Variants in SRGAP2 observed in about 807,000 individuals in gnomAD.
The protein encoded by SRGAP2 is SLIT-ROBO Rho GTPase-activating protein 2.
Under a neutral mutation model 57.2 loss-of-function variants are expected in SRGAP2, and 15 were observed. The observed-to-expected ratio is 0.26, with a 90% CI of 0.18 to 0.40. The LOEUF is 0.40. Among genes scored for constraint, SRGAP2 ranks in the 10% least tolerant of loss-of-function variants. The pLI is 1.00. For synonymous variants in SRGAP2, 249 were observed against 248.0 expected, an observed-to-expected ratio of 1.00 and a Z score of -0.04; for missense variants, 520 against 669.6, an observed-to-expected ratio of 0.78 and a Z score of 2.47.
chr1:206,456,421 T>G (rs1217411889), intron 21 of SRGAP2, among the ~76,000 whole-genome samples: 5 of 152,222 alleles, frequency 3.3e-5, no homozygotes, highest in Non-Finnish European at 2.9e-5. Context: ...TTTTTCCTTA[T>G]TTACAATTCT....
At chr1:206,267,345 G>T (rs1669925029) in intron 2 of SRGAP2, among the ~76,000 whole-genome samples, 1 of 151,718 alleles carries the variant, frequency 6.6e-6, no homozygotes, top group Non-Finnish European at 1.5e-5. Flanking sequence ...AATATCTTTG[G>T]CTTTGGGTTG....
chr1:206,285,566 C>T (rs1670974559), intron 2 of SRGAP2, among the ~76,000 whole-genome samples: 1 of 152,130 alleles, frequency 6.6e-6, no homozygotes, highest in Admixed American at 6.6e-5. Context: ...ATCTTCTTCT[C>T]ACTGGCCTCT....
intron 6 of SRGAP2, 92 bp downstream of exon 6, chr1:206,392,996 G>C (rs1553351476): frequency 2.8e-6 from 2 of 715,940 alleles, no homozygotes; most frequent in African/African-American, 1.8e-5. Flanking sequence ...GGGAAGAGCA[G>C]ACGAGGAAGC....
Position 206,203,586 on chromosome 1 carries a change from G to A in SRGAP2, c.-607G>A. ...GCGTAGAAACGGGTGGCGGGGAAGA[G>A]AGGGGAGGAGAGCTCTGAGTGGGAA... On this transcript the variant is annotated 5_prime_UTR_variant, in exon 1 of 23. Coordinates refer to ENST00000573034, the MANE Select transcript of SRGAP2 (RefSeq NM_015326.5). 1 of 580,478 alleles carries A rather than the reference G, an allele frequency of 1.7e-6. No individual in the cohort carries two copies. Among genetic ancestry groups the A allele is most frequent in the Non-Finnish European group, 3.1e-6 (1 of 322,894 alleles). 36.0% of individuals were successfully genotyped at this position (580,478 alleles called of 1,614,324 possible). A position where few individuals can be genotyped will look rare whatever the true frequency, so the allele number is the denominator to read the frequency against.
intron 10 of SRGAP2, among the ~76,000 whole-genome samples, chr1:206,411,073 G>T (rs1258887579): frequency 6.6e-6 from 1 of 152,174 alleles, no homozygotes; most frequent in African/African-American, 2.4e-5. Flanking sequence ...TGTTGGCCAG[G>T]CTGGTCTCAA....
intron 2 of SRGAP2, among the ~76,000 whole-genome samples, chr1:206,241,212 A>G (rs1668204822): frequency 6.6e-6 from 1 of 152,234 alleles, no homozygotes; most frequent in African/African-American, 2.4e-5. Context: ...AACCCCCTAA[A>G]AAACAAAAGA....
At position 206,453,425 on chromosome 1, in the gene SRGAP2, C is replaced by T. The variant is rs782020189; in HGVS notation, c.2360+45C>T. 7.3e-6 allele frequency: 4 copies of T among 550,620 alleles called. 1 individual carries two copies. In the Admixed American group the frequency reaches 1.2e-4, roughly 17 times the overall value. 34.1% of individuals were successfully genotyped at this position (550,620 alleles called of 1,614,324 possible). ...TCTTTGGGGGTGGTCCCCAGCTGCT[C>T]TATGGGAGTGAGACTTCATTTCTGG... On this transcript the variant is annotated intron_variant, in intron 20 of 22. Transcript: ENST00000573034.
rs529733130 is a variant in SRGAP2, at chr1:206,461,473, T to C, written c.*53T>C. On this transcript the variant is annotated 3_prime_UTR_variant, in exon 23 of 23. Coordinates refer to ENST00000573034, the MANE Select transcript of SRGAP2 (RefSeq NM_015326.5). Reference sequence around the variant, plus strand: ...AGGGGACTATAGGGACTGACTGTTATTAAAATCTTCCTATTTAACTAGCTT... The same window carrying C: ...AGGGGACTATAGGGACTGACTGTTACTAAAATCTTCCTATTTAACTAGCTT... The C allele has an allele frequency of 3.0e-6, 2 of 670,406 alleles. No homozygotes were observed. The highest frequency in any genetic ancestry group is 2.5e-5 in the East Asian group (1 of 39,450). The allele number at this position is 670,406 out of a possible 1,614,324, so 41.5% of individuals were successfully genotyped here.
At chr1:206,309,193 T>C (rs1379451909) in intron 3 of SRGAP2, among the ~76,000 whole-genome samples, 1 of 146,044 alleles carries the variant, frequency 6.8e-6, no homozygotes, top group Non-Finnish European at 1.5e-5. Context: ...AAATCCCTGG[T>C]TAACAGGGAA....
intron 3 of SRGAP2, among the ~76,000 whole-genome samples, chr1:206,309,573 C>CAT (rs1672484543): frequency 6.6e-6 from 1 of 150,876 alleles, no homozygotes; most frequent in African/African-American, 2.5e-5. Flanking sequence ...AGCATAGAAC[C>CAT]ATAATGGTCA....
intron 3 of SRGAP2, chr1:206,312,362 C>T (rs574109638): frequency 6.6e-6 from 1 of 152,154 alleles, no homozygotes; most frequent in East Asian, 1.9e-4. Context: ...TATTTTCTTA[C>T]AGTTCTAAGT....
At chr1:206,268,089 T>A (rs544758406) in intron 2 of SRGAP2, among the ~76,000 whole-genome samples, 448 of 151,336 alleles carry the variant, frequency 3.0e-3, no homozygotes, top group African/African-American at 0.01. Flanking sequence ...ATATTTTTTT[T>A]TTTTTTTAAA....
chr1:206,286,563 A>G (rs1671036590), intron 2 of SRGAP2, among the ~76,000 whole-genome samples: 2 of 150,908 alleles, frequency 1.3e-5, no homozygotes, highest in Non-Finnish European at 3.0e-5. Context: ...CCCTACCATC[A>G]TGGAACTTAC....
chr1:206,355,553 G>T (rs1553339139), intron 4 of SRGAP2, among the ~76,000 whole-genome samples: 1 of 152,034 alleles, frequency 6.6e-6, no homozygotes, highest in East Asian at 1.9e-4. Flanking sequence ...GTTATTCATG[G>T]TGCCAGCCTA....
At chr1:206,432,185 G>A (rs1553368527) in intron 14 of SRGAP2, among the ~76,000 whole-genome samples, 1 of 152,170 alleles carries the variant, frequency 6.6e-6, no homozygotes, top group Non-Finnish European at 1.5e-5. Context: ...GTTAGCTGTG[G>A]TATTTGCTGA....
chr1:206,462,122 C>T lies in SRGAP2; in HGVS notation c.*702C>T, dbSNP rs1480094485. The stretch of plus-strand genomic sequence containing the variant: ...GAAACATAACGGGATGGGACAATCC[C>T]GTAACCTGTTTGGGGTTGGGGGCTT... On this transcript the variant is annotated 3_prime_UTR_variant, in exon 23 of 23. Coordinates refer to ENST00000573034, the MANE Select transcript of SRGAP2 (RefSeq NM_015326.5). The T allele has an allele frequency of 2.6e-5, 4 of 152,372 alleles. No individual in the cohort carries two copies. The highest frequency in any genetic ancestry group is 1.9e-4 in the East Asian group (1 of 5,194). 9.4% of individuals were successfully genotyped at this position (152,372 alleles called of 1,614,324 possible). A position where few individuals can be genotyped will look rare whatever the true frequency, so the allele number is the denominator to read the frequency against.
intron 3 of SRGAP2, among the ~76,000 whole-genome samples, chr1:206,326,730 C>A (rs1393007367): frequency 1.3e-5 from 2 of 152,176 alleles, no homozygotes; most frequent in African/African-American, 4.8e-5. Context: ...CTCTGAAATT[C>A]CATGATTCTA....
intron 2 of SRGAP2, among the ~76,000 whole-genome samples, chr1:206,221,290 A>C (rs1374842892): frequency 6.6e-6 from 1 of 150,472 alleles, no homozygotes; most frequent in Non-Finnish European, 1.5e-5. Flanking sequence ...TACAGAAAAA[A>C]GTTTCTGCCT....
intron 13 of SRGAP2, among the ~76,000 whole-genome samples, chr1:206,423,511 T>G (rs1660497131): frequency 6.6e-6 from 1 of 152,204 alleles, no homozygotes; most frequent in South Asian, 2.1e-4. Context: ...ACATTTTGAT[T>G]TGCGTAGCCC....
Sources: gnomAD v4.1 joint callset for allele counts (sites outside exome capture counted in the v4.1 genomes callset) on GRCh38, gnomAD v4.1.1 for gene constraint, MANE v1.5 for transcripts, NCBI Gene and HGNC (gene_info 2026-07-23, HGNC 2026-07-21) for gene names.